Variants in MACF1 observed in about 807,000 individuals in gnomAD.
MACF1 encodes the protein microtubule actin crosslinking factor 1.
A neutral mutation model predicts 854.8 loss-of-function variants in MACF1; 193 were observed. The observed-to-expected ratio is 0.23, with a 90% CI of 0.20 to 0.25. The LOEUF is 0.25. MACF1 is among the 10% of genes least tolerant of loss of function. MACF1 has a pLI of 1.00. For missense variants in MACF1, 7,722 were observed against 8,929.1 expected, an observed-to-expected ratio of 0.86 and a Z score of 5.45; for synonymous variants, 3,185 against 3,226.7, an observed-to-expected ratio of 0.99 and a Z score of 0.44.
At chr1:39,337,089 G>A in intron 37 of MACF1, 93 bp from the exon 38 acceptor site, 1 of 1,186,608 alleles carries the variant, frequency 8.4e-7, no homozygotes, top group South Asian at 1.6e-5. Context: ...AGTAAAAATT[G>A]CTTCTATTTG....
Position 39,448,469 on chromosome 1 carries a change from G to T in MACF1, c.20089-125G>T, listed in dbSNP as rs560223101. 383 of 765,836 alleles carry T rather than the reference G, an allele frequency of 5.0e-4. 4 individuals are homozygous for T. The South Asian group carries it at 9.6e-3, about 19-fold the overall frequency. The allele number at this position is 765,836 out of a possible 1,614,324, so 47.4% of individuals were successfully genotyped here. A position where few individuals can be genotyped will look rare whatever the true frequency, so the allele number is the denominator to read the frequency against. On this transcript the variant is annotated intron_variant, in intron 83 of 100. Coordinates refer to ENST00000564288, the MANE Select transcript of MACF1 (RefSeq NM_001394062.1). ...TAAGGATAAGCTATGGTTAATTTTA[G>T]TTCAAAAAAAGTGGTGATATTCATA... is the stretch of plus-strand genomic sequence containing the variant.
At chr1:39,429,714 CAGAGAG>C in intron 64 of MACF1, 107 bp from the exon 65 acceptor site, 2 of 1,022,414 alleles carry the variant, frequency 2.0e-6, no homozygotes, top group Non-Finnish European at 2.9e-6. Flanking sequence ...ATCATTACCA[CAGAGAG>C]AGAGAGAGCG....
chr1:39,342,918 C>T (rs964348463), intron 40 of MACF1, among the ~76,000 whole-genome samples: 14 of 152,266 alleles, frequency 9.2e-5, no homozygotes, highest in Non-Finnish European at 1.2e-4. Flanking sequence ...AAAATTAAAG[C>T]AGCCATAAAT....
chr1:39,096,793 A>G (rs1453974742), intron 2 of MACF1, among the ~76,000 whole-genome samples: 1 of 151,202 alleles, frequency 6.6e-6, no homozygotes, highest in Non-Finnish European at 1.5e-5. Flanking sequence ...TAAATATACC[A>G]GTTTATCTGC....
At chr1:39,476,381 T>C (rs1267539486) in intron 97 of MACF1, among the ~76,000 whole-genome samples, 2 of 151,976 alleles carry the variant, frequency 1.3e-5, no homozygotes, top group Non-Finnish European at 2.9e-5. Context: ...CCATCCTGGC[T>C]AACATGGTGA....
At chr1:39,430,091 AAAG>A in intron 65 of MACF1, 23 bp downstream of exon 65, 1 of 1,591,682 alleles carries the variant, frequency 6.3e-7, no homozygotes, top group Non-Finnish European at 8.5e-7. Context: ...TTTACCATAA[AAAG>A]AAAAAAAGGC....
intron 6 of MACF1, among the ~76,000 whole-genome samples, chr1:39,258,799 A>G (rs959470423): frequency 4.6e-5 from 7 of 152,220 alleles, no homozygotes. Context: ...TTCAGGGATG[A>G]GGCCAAGGTG....
At chr1:39,189,605 TG>T (rs374530937) in intron 2 of MACF1, among the ~76,000 whole-genome samples, 2 of 152,334 alleles carry the variant, frequency 1.3e-5, no homozygotes, top group African/African-American at 4.8e-5. Context: ...TCTCTCCTCC[TG>T]GAGTGTTTAC....
At chr1:39,220,005 C>T (rs1339390115) in intron 1 of MACF1, among the ~76,000 whole-genome samples, 1 of 152,104 alleles carries the variant, frequency 6.6e-6, no homozygotes, top group Non-Finnish European at 1.5e-5. Context: ...CCCACCTCAG[C>T]CTCCCAAAGT....
chr1:39,266,185 A>G (rs1296756543), intron 6 of MACF1, among the ~76,000 whole-genome samples: 1 of 152,106 alleles, frequency 6.6e-6, no homozygotes, highest in Non-Finnish European at 1.5e-5. Context: ...TTAAGCAGCT[A>G]TTTCTCTTGC....
intron 58 of MACF1, chr1:39,414,559 G>T: frequency 6.4e-7 from 1 of 1,573,000 alleles, no homozygotes. Context: ...ATGAGAAATG[G>T]CACAGATAGT....
chr1:39,446,459 T>C (rs1009280569), intron 80 of MACF1, among the ~76,000 whole-genome samples: 2 of 152,032 alleles, frequency 1.3e-5, no homozygotes, highest in Admixed American at 6.5e-5. Flanking sequence ...TTTGTTTAGA[T>C]TGGGTTTGTA....
chr1:39,471,861 T>C lies in MACF1; in HGVS notation c.21958+2246T>C, dbSNP rs529960745. Among the ~76,000 whole-genome samples the C allele has an allele frequency of 7.2e-5, 11 of 152,224 alleles. No individual in the cohort carries two copies. In the South Asian group the frequency reaches 2.3e-3, roughly 32 times the overall value. Reference sequence around the variant, plus strand: ...ATTGTTATACAGATAAAATTTACCATCCTAACCATTTTTAAGTACAGGACT... The same window carrying C: ...ATTGTTATACAGATAAAATTTACCACCCTAACCATTTTTAAGTACAGGACT... On this transcript the variant is annotated intron_variant, in intron 97 of 100. Coordinates refer to ENST00000564288, the MANE Select transcript of MACF1 (RefSeq NM_001394062.1).
intron 49 of MACF1, among the ~76,000 whole-genome samples, chr1:39,367,105 C>T (rs1203971262): frequency 6.6e-6 from 1 of 151,848 alleles, no homozygotes; most frequent in Non-Finnish European, 1.5e-5. Context: ...CGCCACCATG[C>T]CCAGCTAATT....
chr1:39,461,809 A>AG, intron 92 of MACF1, 74 bp from the exon 93 acceptor site: 1 of 987,762 alleles, frequency 1.0e-6, no homozygotes, highest in East Asian at 3.2e-5. Flanking sequence ...AAAAAAAAAA[A>AG]AAAAAAAAAT....
At chr1:39,220,395 A>T (rs1202982396) in intron 1 of MACF1, among the ~76,000 whole-genome samples, 1 of 149,964 alleles carries the variant, frequency 6.7e-6, no homozygotes, top group Non-Finnish European at 1.5e-5. Flanking sequence ...CTGGTCTCGA[A>T]CTCCTGACCT....
At chr1:39,425,365 G>A (rs1643691854) in intron 61 of MACF1, among the ~76,000 whole-genome samples, 1 of 152,012 alleles carries the variant, frequency 6.6e-6, no homozygotes, top group Admixed American at 6.6e-5. Context: ...CCATCCCCCA[G>A]CTGCAGATGA....
intron 21 of MACF1, 117 bp from the exon 22 acceptor site, chr1:39,300,093 C>A: frequency 1.0e-6 from 1 of 996,420 alleles, no homozygotes. Flanking sequence ...ACCAACCATC[C>A]CTACTTAACT....
At position 39,335,717 on chromosome 1, in the gene MACF1, G is replaced by A. The variant is rs770644589; in HGVS notation, c.9129G>A (p.Glu3043=). 2.7e-5 allele frequency: 43 copies of A among 1,613,624 alleles called. No homozygotes were observed. The highest frequency in any genetic ancestry group is 3.6e-5 in the Non-Finnish European group (42 of 1,179,952). The change falls in exon 37 of 101, where the codon GAG becomes GAA. Residue 3043 remains glutamate (E), a synonymous_variant. Coordinates refer to ENST00000564288, the MANE Select transcript of MACF1 (RefSeq NM_001394062.1). ...MGFSITFKIE[E]SSSQVVPQGI... is the part of the protein sequence containing the mutation. ...TTTCTATTACTTTTAAAATTGAAGA[G>A]TCCTCTTCCCAAGTGGTACCTCAAG...
Sources: allele counts gnomAD v4.1 joint callset (sites outside exome capture counted in the v4.1 genomes callset), GRCh38; gene constraint gnomAD v4.1.1; transcripts MANE v1.5; gene names NCBI Gene and HGNC (gene_info 2026-07-23, HGNC 2026-07-21).